Variants in NOVA1 observed in about 807,000 individuals in gnomAD.
NOVA1 encodes NOVA alternative splicing regulator 1.
In NOVA1, 7 loss-of-function variants were observed where a neutral mutation model predicts 38.0. That is an observed-to-expected ratio of 0.18 (90% CI 0.10 to 0.35). The LOEUF is 0.35. NOVA1 is among the 10% of genes least tolerant of loss of function. The pLI is 1.00. For missense variants in NOVA1, 460 were observed against 616.0 expected (o/e 0.75, Z 2.68); for synonymous variants, 270 against 232.5 (o/e 1.16, Z -1.47).
chr14:26,569,778 TGAAAA>T (rs1286165819), intron 2 of NOVA1, among the ~76,000 whole-genome samples: 2 of 152,224 alleles, frequency 1.3e-5, no homozygotes, highest in Non-Finnish European at 2.9e-5. Context: ...AATTTCTAGT[TGAAAA>T]GAATCAGTGC....
chr14:26,546,267 G>A (rs1053681599), intron 2 of NOVA1, among the ~76,000 whole-genome samples: 1 of 151,872 alleles, frequency 6.6e-6, no homozygotes, highest in African/African-American at 2.4e-5. Flanking sequence ...TGACCACTTA[G>A]GATAAAAAGA....
At chr14:26,551,316 C>T (rs953447688) in intron 2 of NOVA1, among the ~76,000 whole-genome samples, 2 of 151,972 alleles carry the variant, frequency 1.3e-5, no homozygotes, top group African/African-American at 4.8e-5. Flanking sequence ...TGAATTAATG[C>T]ATACCAGACA....
intron 4 of NOVA1, among the ~76,000 whole-genome samples, chr14:26,460,174 T>C (rs1338561785): frequency 6.6e-6 from 1 of 151,940 alleles, no homozygotes; most frequent in Non-Finnish European, 1.5e-5. Context: ...TTTTAAAAAA[T>C]AAAATAAAGA....
chr14:26,473,366 G>A (rs902912541), intron 3 of NOVA1, among the ~76,000 whole-genome samples: 1 of 151,504 alleles, frequency 6.6e-6, no homozygotes, highest in Admixed American at 6.6e-5. Flanking sequence ...CTTATGTTAC[G>A]TCCTCAATAG....
chr14:26,588,028 G>T (rs997854633), intron 2 of NOVA1, among the ~76,000 whole-genome samples: 1 of 151,010 alleles, frequency 6.6e-6, no homozygotes, highest in African/African-American at 2.4e-5. Context: ...AGAAATGCAG[G>T]ATTTGAAATC....
At chr14:26,584,926 C>T (rs965698296) in intron 2 of NOVA1, among the ~76,000 whole-genome samples, 1 of 151,406 alleles carries the variant, frequency 6.6e-6, no homozygotes, top group African/African-American at 2.4e-5. Flanking sequence ...CTAACCCCAA[C>T]AAAGCCCACT....
At chr14:26,500,325 G>A (rs1887156563) in intron 2 of NOVA1, among the ~76,000 whole-genome samples, 1 of 152,136 alleles carries the variant, frequency 6.6e-6, no homozygotes, top group Admixed American at 6.5e-5. Flanking sequence ...CAGATTAAAT[G>A]AAAGAATAAA....
At chr14:26,579,247 G>A (rs552049694) in intron 2 of NOVA1, among the ~76,000 whole-genome samples, 415 of 151,652 alleles carry the variant, frequency 2.7e-3, no homozygotes, top group Middle Eastern at 0.017. Flanking sequence ...AAGTAGAGAC[G>A]GGGTTTCACC....
At chr14:26,563,156 C>G (rs1461029602) in intron 2 of NOVA1, among the ~76,000 whole-genome samples, 1 of 151,532 alleles carries the variant, frequency 6.6e-6, no homozygotes. Context: ...CAAAACGTCT[C>G]CAACACAAAA....
chr14:26,472,794 T>A (rs1194474808), intron 3 of NOVA1, among the ~76,000 whole-genome samples: 2 of 151,864 alleles, frequency 1.3e-5, no homozygotes, highest in African/African-American at 4.8e-5. Flanking sequence ...ATGAATACAG[T>A]CGGAGATTTG....
At chr14:26,544,824 G>A (rs865819047) in intron 2 of NOVA1, among the ~76,000 whole-genome samples, 45 of 151,724 alleles carry the variant, frequency 3.0e-4, no homozygotes, top group African/African-American at 9.7e-4. Context: ...ATTCAGAATG[G>A]AACTGCATGT....
intron 2 of NOVA1, among the ~76,000 whole-genome samples, chr14:26,487,468 T>A (rs1485396930): frequency 6.6e-5 from 10 of 152,076 alleles, no homozygotes; most frequent in Non-Finnish European, 1.0e-4. Flanking sequence ...TTAGTATAAT[T>A]GATTGACACA....
At chr14:26,452,290 T>C (rs996234390) in intron 4 of NOVA1, among the ~76,000 whole-genome samples, 3 of 152,034 alleles carry the variant, frequency 2.0e-5, no homozygotes, top group Non-Finnish European at 4.4e-5. Flanking sequence ...TGAAAAGAAG[T>C]TGAGACAAAA....
chr14:26,588,216 T>A (rs184847466), intron 2 of NOVA1, among the ~76,000 whole-genome samples: 165 of 151,194 alleles, frequency 1.1e-3, no homozygotes, highest in African/African-American at 3.7e-3. Context: ...TCTAAAATTT[T>A]TAAATTATTG....
At chr14:26,591,994 C>T (rs1166782804) in intron 2 of NOVA1, among the ~76,000 whole-genome samples, 1 of 151,234 alleles carries the variant, frequency 6.6e-6, no homozygotes, top group African/African-American at 2.4e-5. Flanking sequence ...GATTCCAACA[C>T]TATAATGAAG....
chr14:26,503,615 T>C (rs1887403640), intron 2 of NOVA1, among the ~76,000 whole-genome samples: 1 of 152,044 alleles, frequency 6.6e-6, no homozygotes, highest in Non-Finnish European at 1.5e-5. Flanking sequence ...TTTGACCCAG[T>C]AATCATTTTT....
intron 2 of NOVA1, among the ~76,000 whole-genome samples, 167 bp from the exon 3 acceptor site, chr14:26,480,310 T>C (rs1885358590): frequency 6.6e-6 from 1 of 152,164 alleles, no homozygotes; most frequent in Non-Finnish European, 1.5e-5. Context: ...CATGATTCCT[T>C]TTATAAATTC....
chr14:26,573,206 T>C (rs971439877), intron 2 of NOVA1, among the ~76,000 whole-genome samples: 3 of 152,108 alleles, frequency 2.0e-5, no homozygotes, highest in Admixed American at 2.0e-4. Flanking sequence ...GTTACTAATA[T>C]TGAATGCTTT....
chr14:26,487,469 G>C (rs1886007322), intron 2 of NOVA1, among the ~76,000 whole-genome samples: 1 of 151,870 alleles, frequency 6.6e-6, no homozygotes, highest in Admixed American at 6.6e-5. Flanking sequence ...TAGTATAATT[G>C]ATTGACACAC....
Sources: allele counts gnomAD v4.1 joint callset (sites outside exome capture counted in the v4.1 genomes callset), GRCh38; gene constraint gnomAD v4.1.1; transcripts MANE v1.5; gene names NCBI Gene and HGNC (gene_info 2026-07-23, HGNC 2026-07-21).